C21orf91: variants seen among roughly 807,000 people sequenced by gnomAD.
C21orf91 encodes protein EURL homolog.
Under a neutral mutation model 32.9 loss-of-function variants are expected in C21orf91, and 26 were observed. The ratio of observed to expected loss-of-function variants is 0.79; its 90% CI spans 0.58 to 1.10. The LOEUF (loss-of-function observed/expected upper bound fraction) is 1.10. C21orf91 is among the 50% of genes least tolerant of loss of function. The pLI is 0.00. For missense variants in C21orf91, 310 were observed against 341.3 expected (o/e 0.91, Z 0.72); for synonymous variants, 126 against 120.4 (o/e 1.05, Z -0.31).
chr21:17,808,161 G>A (rs1844415), intron 2 of C21orf91, among the ~76,000 whole-genome samples: 41,445 of 152,200 alleles, frequency 0.27, 6,740 homozygotes, highest in East Asian at 0.41. Context: ...GCTGCCCTGC[G>A]CAACCTTGAG....
Position 17,793,263 on chromosome 21 carries a change from GCTTT to G in C21orf91, c.*148_*151del. 3.8e-6 allele frequency: 2 copies of G among 520,262 alleles called. No homozygotes were observed. Among genetic ancestry groups the G allele is most frequent in the Middle Eastern group, 5.2e-4 (1 of 1,932 alleles). 32.2% of individuals were successfully genotyped at this position (520,262 alleles called of 1,614,324 possible). A position where few individuals can be genotyped will look rare whatever the true frequency, so the allele number is the denominator to read the frequency against. ...CTAGAAGACTAGAGTATAATGATCTGCTTTATTTGACAAAGATGTTAAATACTGC... is the reference window on the plus strand; with the variant it reads ...CTAGAAGACTAGAGTATAATGATCTGATTTGACAAAGATGTTAAATACTGC... On this transcript the variant is annotated 3_prime_UTR_variant, in exon 5 of 5. Coordinates refer to ENST00000284881, the MANE Select transcript of C21orf91 (RefSeq NM_001100420.2).
At chr21:17,805,379 T>C (rs2062587679) in intron 2 of C21orf91, among the ~76,000 whole-genome samples, 1 of 152,186 alleles carries the variant, frequency 6.6e-6, no homozygotes. Flanking sequence ...AATGGTGCAA[T>C]CTTGGCTCAC....
intron 2 of C21orf91, chr21:17,817,944 T>A (rs1281875179): frequency 3.2e-6 from 1 of 311,596 alleles, no homozygotes; most frequent in Non-Finnish European, 5.8e-6. Context: ...TCAACACTCA[T>A]ACTTATTTCT....
chr21:17,793,843 TA>T (rs561876700), intron 4 of C21orf91, among the ~76,000 whole-genome samples: 84 of 152,346 alleles, frequency 5.5e-4, no homozygotes, highest in African/African-American at 1.9e-3. Context: ...TGGTGGTTGC[TA>T]CTGTAGCTGA....
Position 17,793,553 on chromosome 21 carries a change from C to A in C21orf91, c.756G>T (p.Val252=). 2 of 1,612,744 alleles carry A rather than the reference C, an allele frequency of 1.2e-6. No individual in the cohort carries two copies. The highest frequency in any genetic ancestry group is 2.2e-5 in the South Asian group (2 of 90,966). Reference sequence around the variant, plus strand: ...GTGAGGCCAAAGAATCTTTTTCTTGCACTTGGTGAGTTAACTCTTCAAAAA... The same window carrying A: ...GTGAGGCCAAAGAATCTTTTTCTTGAACTTGGTGAGTTAACTCTTCAAAAA... ...QEVFEELTHQ[V]QEKDSLASQL... Residue 252 remains valine (V), a synonymous_variant, in exon 5 of 5, where the codon GTG becomes GTT. Coordinates refer to ENST00000284881, the MANE Select transcript of C21orf91 (RefSeq NM_001100420.2).
chr21:17,794,314 C>T (rs111240557), intron 4 of C21orf91, among the ~76,000 whole-genome samples: 2 of 152,094 alleles, frequency 1.3e-5, no homozygotes, highest in African/African-American at 2.4e-5. Flanking sequence ...GAGACAACTG[C>T]GGAATCTGAA....
chr21:17,808,045 GA>G lies in C21orf91; in HGVS notation c.127+10146del, dbSNP rs1170376866. The stretch of plus-strand genomic sequence containing the variant: ...GGAGCTAAATAGCCAAAACAATGGG[GA>G]AAATGCCTTGAAGGCATTTCAGAGA... On this transcript the variant is annotated intron_variant, in intron 2 of 4. Coordinates refer to ENST00000284881, the MANE Select transcript of C21orf91 (RefSeq NM_001100420.2). Among the ~76,000 whole-genome samples, 10 of 152,340 alleles carry G rather than the reference GA, an allele frequency of 6.6e-5. No individual in the cohort carries two copies. In the East Asian group the frequency reaches 1.7e-3, roughly 26 times the overall value.
chr21:17,791,843 A>C lies in C21orf91; in HGVS notation c.*1572T>G, dbSNP rs1007589796. ...AAAATTCCCTCCAAAAAGTAATGTTATACTTCAAAGAAAAACAAAATCAAC... is the reference window on the plus strand; with the variant it reads ...AAAATTCCCTCCAAAAAGTAATGTTCTACTTCAAAGAAAAACAAAATCAAC... On this transcript the variant is annotated 3_prime_UTR_variant, in exon 5 of 5. Transcript: ENST00000284881. The C allele has an allele frequency of 1.3e-5, 2 of 152,184 alleles. No individual in the cohort carries two copies. Among genetic ancestry groups the C allele is most frequent in the Non-Finnish European group, 2.9e-5 (2 of 68,002 alleles). 9.4% of individuals were successfully genotyped at this position (152,184 alleles called of 1,614,324 possible). A position where few individuals can be genotyped will look rare whatever the true frequency, so the allele number is the denominator to read the frequency against.
intron 2 of C21orf91, among the ~76,000 whole-genome samples, chr21:17,801,509 A>G (rs954095775): frequency 1.3e-5 from 2 of 151,988 alleles, no homozygotes; most frequent in Non-Finnish European, 2.9e-5. Context: ...TGACCTTGTG[A>G]TCCGCCCGCC....
At chr21:17,796,541 C>T in intron 3 of C21orf91, 41 bp downstream of exon 3, 1 of 1,525,006 alleles carries the variant, frequency 6.6e-7, no homozygotes, top group Non-Finnish European at 8.9e-7. Context: ...TACAAAAATC[C>T]CAAACCACCC....
At chr21:17,798,357 T>C (rs1382572801) in intron 2 of C21orf91, among the ~76,000 whole-genome samples, 12 of 152,186 alleles carry the variant, frequency 7.9e-5, no homozygotes, top group Admixed American at 7.9e-4. Context: ...ATATATAGTA[T>C]CAGCCAATGG....
intron 2 of C21orf91, chr21:17,813,889 C>G (rs375055728): frequency 1.4e-4 from 22 of 152,226 alleles, no homozygotes; most frequent in African/African-American, 5.3e-4. Flanking sequence ...GTAATCTCAG[C>G]TTCCTGGGAG....
chr21:17,818,105 G>T, intron 2 of C21orf91, 87 bp downstream of exon 2: 2 of 877,728 alleles, frequency 2.3e-6, no homozygotes, highest in Non-Finnish European at 3.5e-6. Flanking sequence ...TCCAATCATT[G>T]AAGACATTTT....
At chr21:17,811,277 G>A (rs2062630768) in intron 2 of C21orf91, 2 of 152,052 alleles carry the variant, frequency 1.3e-5, no homozygotes, top group South Asian at 4.1e-4. Context: ...GTTGTATTAA[G>A]AATAAAATTA....
At chr21:17,794,080 T>C (rs1032505288) in intron 4 of C21orf91, among the ~76,000 whole-genome samples, 1 of 152,324 alleles carries the variant, frequency 6.6e-6, no homozygotes. Context: ...TAGTAAGCAC[T>C]TCACCAGGCT....
intron 2 of C21orf91, 84 bp from the exon 3 acceptor site, chr21:17,797,202 T>C (rs2062526300): frequency 1.2e-6 from 1 of 826,902 alleles, no homozygotes; most frequent in Admixed American, 2.5e-5. Flanking sequence ...CTTAGTAAAA[T>C]CAGAGTCCCT....
At chr21:17,796,543 A>C in intron 3 of C21orf91, 39 bp downstream of exon 3, 1 of 1,538,396 alleles carries the variant, frequency 6.5e-7, no homozygotes, top group Non-Finnish European at 8.8e-7. Flanking sequence ...CAAAAATCCC[A>C]AACCACCCAA....
rs902212087 is a variant in C21orf91, at chr21:17,793,545, T to C, written c.764A>G (p.Lys255Arg). 6.2e-7 allele frequency: 1 copy of C among 1,613,534 alleles called. No homozygotes were observed. The highest frequency in any genetic ancestry group is 1.7e-5 in the Admixed American group (1 of 59,918). ...FEELTHQVQE[K>R]DSLASQLHVR... ...ATGGAGCTGTGAGGCCAAAGAATCT[T>C]TTTCTTGCACTTGGTGAGTTAACTC... The change falls in exon 5 of 5, where the codon AAA (lysine) becomes AGA (arginine). Residue 255 changes from lysine (K) to arginine (R), a missense_variant. Coordinates refer to ENST00000284881, the MANE Select transcript of C21orf91 (RefSeq NM_001100420.2).
intron 4 of C21orf91, 130 bp from the exon 5 acceptor site, chr21:17,793,711 A>G: frequency 3.1e-6 from 2 of 636,176 alleles, no homozygotes; most frequent in East Asian, 2.7e-5. Context: ...GATACCAAGG[A>G]AACAGTTCTG....
Sources: gnomAD v4.1 joint callset for allele counts (sites outside exome capture counted in the v4.1 genomes callset) on GRCh38, gnomAD v4.1.1 for gene constraint, MANE v1.5 for transcripts, NCBI Gene and HGNC (gene_info 2026-07-23, HGNC 2026-07-21) for gene names.